Variants in RAD54L observed in about 807,000 individuals in gnomAD.
The protein encoded by RAD54L is DNA repair and recombination protein RAD54-like.
Under a neutral mutation model 91.6 loss-of-function variants are expected in RAD54L, and 74 were observed. That is an observed-to-expected ratio of 0.81 (90% CI 0.67 to 0.98). The LOEUF is 0.98. Ranked by LOEUF, RAD54L falls within the 50% of genes least tolerant of loss-of-function variation. RAD54L has a pLI of 0.00. For synonymous variants in RAD54L, 304 were observed against 349.7 expected (o/e 0.87, Z 1.46); for missense variants, 887 against 945.7 (o/e 0.94, Z 0.81).
intron 3 of RAD54L, among the ~76,000 whole-genome samples, chr1:46,255,748 G>A (rs1013578663): frequency 1.3e-5 from 2 of 151,990 alleles, no homozygotes; most frequent in Non-Finnish European, 1.5e-5. Flanking sequence ...TGACCTGCCC[G>A]CCTTGGCCTC....
chr1:46,259,774 T>G (rs1225987929), intron 4 of RAD54L, among the ~76,000 whole-genome samples, 190 bp from the exon 5 acceptor site: 1 of 143,038 alleles, frequency 7.0e-6, no homozygotes, highest in Admixed American at 7.0e-5. Context: ...AGACTCCATC[T>G]CAAAAAAAAA....
In RAD54L at chr1:46,260,559, A is replaced by T; in HGVS notation, c.425A>T (p.His142Leu). 6.2e-7 allele frequency: 1 copy of T among 1,614,042 alleles called. No homozygotes were observed. The stretch of plus-strand genomic sequence containing the variant: ...TTTCTCAGGGAGAAACTCCCTGTCC[A>T]TGTGGTTGTTGACCCTATTCTCAGT... ...LKLDKEKLPV[H>L]VVVDPILSKV... The change falls in exon 6 of 18, where the codon CAT (histidine) becomes CTT (leucine). Residue 142 changes from histidine (H) to leucine (L), a missense_variant. His to Leu is a moderately conservative substitution (Grantham distance 99, BLOSUM62 -3). Transcript: ENST00000371975.
chr1:46,249,231 G>C (rs1048655854), intron 2 of RAD54L, among the ~76,000 whole-genome samples: 1 of 152,196 alleles, frequency 6.6e-6, no homozygotes, highest in East Asian at 1.9e-4. Flanking sequence ...AGCTACGCAA[G>C]GACTAGAAGG....
In RAD54L at chr1:46,270,667, C is replaced by T. The variant is rs146518411; in HGVS notation, c.1051C>T (p.His351Tyr). 3.1e-6 allele frequency: 5 copies of T among 1,612,230 alleles called. No homozygotes were observed. Among genetic ancestry groups the T allele is most frequent in the Non-Finnish European group, 4.2e-6 (5 of 1,180,018 alleles). The change falls in exon 10 of 18, where the codon CAT becomes TAT. Residue 351 changes from histidine to tyrosine, a missense_variant. Coordinates refer to ENST00000371975, the MANE Select transcript of RAD54L (RefSeq NM_003579.4). The part of the protein sequence containing the change: ...FVNSGILGTA[H>Y]EFKKHFELPI... ...TTCTCTCCTGTGTTTAGGGACTGCC[C>T]ATGAATTCAAGAAGCATTTTGAATT... is the stretch of plus-strand genomic sequence containing the variant.
intron 3 of RAD54L, among the ~76,000 whole-genome samples, chr1:46,251,752 C>CA (rs1335439059): frequency 6.6e-6 from 1 of 151,748 alleles, no homozygotes; most frequent in Non-Finnish European, 1.5e-5. Context: ...ACCAAAAATA[C>CA]AAAAAAAATT....
At chr1:46,261,692 A>G (rs998766720) in intron 8 of RAD54L, among the ~76,000 whole-genome samples, 1 of 152,212 alleles carries the variant, frequency 6.6e-6, no homozygotes, top group Non-Finnish European at 1.5e-5. Context: ...TTTAGAGGAT[A>G]TAAATCAGAA....
Position 46,248,263 on chromosome 1 carries a change from A to T in RAD54L, c.-143A>T. On this transcript the variant is annotated 5_prime_UTR_variant, in exon 1 of 18. It removes an upstream start codon present in the reference 5' UTR. Coordinates refer to ENST00000371975, the MANE Select transcript of RAD54L (RefSeq NM_003579.4). ...GTTCCTGGATGGATTCCCGCCATCC[A>T]TGCCCCCTCTTTAATTAGCCGGTCC... 2 of 1,075,842 alleles carry T rather than the reference A, an allele frequency of 1.9e-6. No homozygotes were observed. Among genetic ancestry groups the T allele is most frequent in the Non-Finnish European group, 2.8e-6 (2 of 712,104 alleles). The allele number at this position is 1,075,842 out of a possible 1,614,324, so 66.6% of individuals were successfully genotyped here. A position where few individuals can be genotyped will look rare whatever the true frequency, so the allele number is the denominator to read the frequency against.
intron 3 of RAD54L, among the ~76,000 whole-genome samples, chr1:46,253,256 A>G (rs1003019457): frequency 3.2e-4 from 48 of 152,380 alleles, no homozygotes; most frequent in African/African-American, 9.9e-4. Flanking sequence ...TGAAGTGCTG[A>G]AACTTGTTCA....
chr1:46,273,855 TC>T, intron 14 of RAD54L, 108 bp downstream of exon 14: 1 of 1,453,306 alleles, frequency 6.9e-7, no homozygotes, highest in Non-Finnish European at 9.4e-7. Flanking sequence ...ATAAGGGCTT[TC>T]CCTGGAGATA....
rs1484445672 is a variant in RAD54L, at chr1:46,273,520, T to C, written c.1486+55T>C. ...TCTCTAGGAGGAGGGTGGGAGATTT[T>C]TTTTTGTGCTAGGGCTGTCCTGTTT... On this transcript the variant is annotated intron_variant, in intron 13 of 17. Coordinates refer to ENST00000371975, the MANE Select transcript of RAD54L (RefSeq NM_003579.4). The C allele has an allele frequency of 3.1e-6, 5 of 1,611,412 alleles. No homozygotes were observed. The East Asian group carries it at 6.7e-5, about 22-fold the overall frequency.
chr1:46,267,423 T>TG, intron 8 of RAD54L, 36 bp from the exon 9 acceptor site: 1 of 1,612,982 alleles, frequency 6.2e-7, no homozygotes. Flanking sequence ...GTATAGGGAA[T>TG]GCCACATTGC....
At chr1:46,250,968 C>CAA (rs538894200) in intron 3 of RAD54L, among the ~76,000 whole-genome samples, 8 of 107,900 alleles carry the variant, frequency 7.4e-5, no homozygotes, top group African/African-American at 9.8e-5. Flanking sequence ...GACTCGGTCT[C>CAA]AAAAAAAAAA....
intron 3 of RAD54L, among the ~76,000 whole-genome samples, chr1:46,251,173 A>G (rs747280921): frequency 6.6e-5 from 10 of 150,768 alleles, no homozygotes; most frequent in Non-Finnish European, 1.2e-4. Flanking sequence ...TTAGCCAGGC[A>G]TGGTGGTGCA....
chr1:46,269,057 G>T (rs1404878186), intron 9 of RAD54L, among the ~76,000 whole-genome samples: 1 of 152,116 alleles, frequency 6.6e-6, no homozygotes, highest in Non-Finnish European at 1.5e-5. Context: ...GAGCCCCTAT[G>T]CCTGGCTTCC....
chr1:46,273,657 TG>T lies in RAD54L; in HGVS notation c.1521del (p.Thr508ProfsTer9), dbSNP rs755073771. On this transcript the variant is annotated frameshift_variant, in exon 14 of 18. Transcript: ENST00000371975. LOFTEE classifies it high-confidence loss of function. ...KMLVLDYILA[V>X]TRSRSSDKVV... is the part of the protein sequence containing the mutation. ...CTGGTCCTGGATTATATTCTGGCGG[TG>T]ACCCGAAGCCGTAGCAGTGACAAAG... 3.1e-6 allele frequency: 5 copies of T among 1,613,972 alleles called. No homozygotes were observed. The African/African-American group carries it at 6.7e-5, about 22-fold the overall frequency.
chr1:46,248,211 A>G lies in RAD54L; in HGVS notation c.-195A>G. The stretch of plus-strand genomic sequence containing the variant: ...TCGTCTCGGCTTATTGGGGACGGCC[A>G]CTCTCACAGTTTGGTTCCAAACACC... On this transcript the variant is annotated 5_prime_UTR_variant, in exon 1 of 18. Coordinates refer to ENST00000371975, the MANE Select transcript of RAD54L (RefSeq NM_003579.4). 1.4e-6 allele frequency: 1 copy of G among 714,774 alleles called. No individual in the cohort carries two copies. Among genetic ancestry groups the G allele is most frequent in the Non-Finnish European group, 2.5e-6 (1 of 398,708 alleles). The allele number at this position is 714,774 out of a possible 1,614,324, so 44.3% of individuals were successfully genotyped here. A position where few individuals can be genotyped will look rare whatever the true frequency, so the allele number is the denominator to read the frequency against.
intron 9 of RAD54L, among the ~76,000 whole-genome samples, chr1:46,269,612 A>G (rs2148297065): frequency 6.6e-6 from 1 of 152,224 alleles, no homozygotes; most frequent in South Asian, 2.1e-4. Flanking sequence ...GGCCCTTTGC[A>G]TTCCCATGTA....
intron 3 of RAD54L, 92 bp downstream of exon 3, chr1:46,250,211 C>T: frequency 6.5e-7 from 1 of 1,546,742 alleles, no homozygotes; most frequent in Non-Finnish European, 8.9e-7. Flanking sequence ...TCAGTGCTTT[C>T]TAGAGTGGCC....
At chr1:46,276,978 G>A (rs759469308) in intron 16 of RAD54L, among the ~76,000 whole-genome samples, 1 of 152,132 alleles carries the variant, frequency 6.6e-6, no homozygotes, top group East Asian at 1.9e-4. Flanking sequence ...TGTATTTTTA[G>A]TAGAGACAGG....
Sources: allele counts gnomAD v4.1 joint callset (sites outside exome capture counted in the v4.1 genomes callset), GRCh38; gene constraint gnomAD v4.1.1; transcripts MANE v1.5; gene names NCBI Gene and HGNC (gene_info 2026-07-23, HGNC 2026-07-21).